The following VWA7 variants were observed in gnomAD, a reference collection of about 807,000 sequenced individuals.
VWA7 encodes von Willebrand factor A domain-containing protein 7.
A neutral mutation model predicts 83.1 loss-of-function variants in VWA7; 66 were observed. The ratio of observed to expected loss-of-function variants is 0.79; its 90% CI spans 0.65 to 0.98. The LOEUF (loss-of-function observed/expected upper bound fraction) is 0.98, where lower values mean the gene tolerates loss of function less well. Among genes scored for constraint, VWA7 ranks in the 50% least tolerant of loss-of-function variants. VWA7 has a pLI of 0.00. For synonymous variants in VWA7, 424 were observed against 488.5 expected (o/e 0.87, Z 1.74); for missense variants, 1,080 against 1,160.2 (o/e 0.93, Z 1.00).
intron 7 of VWA7, 122 bp from the exon 8 acceptor site, chr6:31,770,235 A>G: frequency 1.4e-6 from 1 of 727,306 alleles, no homozygotes; most frequent in Non-Finnish European, 2.3e-6. Context: ...TGAAATAACA[A>G]TACTCCATTA....
chr6:31,770,610 C>CG (rs1812083811), intron 7 of VWA7, among the ~76,000 whole-genome samples: 1 of 93,590 alleles, frequency 1.1e-5, no homozygotes, highest in Non-Finnish European at 2.1e-5. Flanking sequence ...CAGTGCAGGG[C>CG]GGGGCAGGGC....
Position 31,765,715 on chromosome 6 carries a change from G to A in VWA7, c.2555C>T (p.Pro852Leu). 1 of 1,595,972 alleles carries A rather than the reference G, an allele frequency of 6.3e-7. No individual in the cohort carries two copies. The highest frequency in any genetic ancestry group is 8.5e-7 in the Non-Finnish European group (1 of 1,171,844). The change falls in exon 17 of 17, where the codon CCT becomes CTT. Residue 852 changes from proline (P) to leucine (L), a missense_variant. Coordinates refer to ENST00000375688, the MANE Select transcript of VWA7 (RefSeq NM_025258.3). ...SSDPILTTAT[P>L]AFSPFTLVTQ... The stretch of plus-strand genomic sequence containing the variant: ...CACCAATGTGAAGGGGGAAAAGGCA[G>A]GGGTGGCCGTGGTGAGGATCGGGTC...
chr6:31,767,668 G>C lies in VWA7; in HGVS notation c.1590C>G (p.Val530=). The C allele has an allele frequency of 6.2e-7, 1 of 1,613,742 alleles. No homozygotes were observed. The highest frequency in any genetic ancestry group is 8.5e-7 in the Non-Finnish European group (1 of 1,179,658). ...AGCTGCTGATGTCTCCGTGGATCCG[G>C]ACTGTGATCTTCTGGAGCAGCCCAT... ...SVDGLLQKIT[V]RIHGDISSFW... The change falls in exon 11 of 17, where the codon GTC becomes GTG. Residue 530 remains valine, a synonymous_variant. Coordinates refer to ENST00000375688, the MANE Select transcript of VWA7 (RefSeq NM_025258.3).
rs1179680209 is a variant in VWA7, at chr6:31,773,896, A to G, written c.722-459T>C. Among the ~76,000 whole-genome samples, 2 of 151,756 alleles carry G rather than the reference A, an allele frequency of 1.3e-5. No homozygotes were observed. Among genetic ancestry groups the G allele is most frequent in the African/African-American group, 4.8e-5 (2 of 41,310 alleles). On this transcript the variant is annotated intron_variant, in intron 5 of 16. Transcript: ENST00000375688. The surrounding 1 kb of genome is among the most constrained non-coding windows in gnomAD (Gnocchi z 5.3). ...ATGGCTGGGCACGGTGGCTCACACC[A>G]GTAATCCCAGCATTTTGGGAGGCTG...
chr6:31,774,361 C>A (rs938142550), intron 5 of VWA7, among the ~76,000 whole-genome samples, 155 bp downstream of exon 5: 1 of 151,960 alleles, frequency 6.6e-6, no homozygotes, highest in African/African-American at 2.4e-5. Context: ...CCCACCACAG[C>A]CTCCTCAGGG....
chr6:31,771,248 A>G (rs1335162900), intron 7 of VWA7: 1 of 152,182 alleles, frequency 6.6e-6, no homozygotes, highest in Non-Finnish European at 1.5e-5. Context: ...ATGCAGGCAA[A>G]TAAGACTCAA....
rs780550568 is a variant in VWA7, at chr6:31,769,828, A to G, written c.1201-37T>C. The G allele has an allele frequency of 3.8e-5, 61 of 1,589,380 alleles. No homozygotes were observed. Among genetic ancestry groups the G allele is most frequent in the Non-Finnish European group, 5.3e-5 (61 of 1,158,782 alleles). On this transcript the variant is annotated intron_variant, in intron 8 of 16. Coordinates refer to ENST00000375688, the MANE Select transcript of VWA7 (RefSeq NM_025258.3). This position sits in a 1 kb window ranked among gnomAD's most constrained non-coding sequence, Gnocchi z 4.5. ...GGCAACGACCAGTGTTAACAATGGC[A>G]GTAGGAGGGGAATGGGTAGAGCCAC...
rs1344403171 is a variant in VWA7, at chr6:31,773,381, C to T, written c.778G>A (p.Gly260Ser). Reference protein sequence around the residue: ...DRSSSQPPRGGINKDSTSPGF... With the variant: ...DRSSSQPPRGSINKDSTSPGF... Reference sequence around the variant, plus strand: ...GGGGATGTGCTGTCCTTGTTGATGCCTCCCCTCGGTGGCTGGGAGCTGCTC... The same window carrying T: ...GGGGATGTGCTGTCCTTGTTGATGCTTCCCCTCGGTGGCTGGGAGCTGCTC... The change falls in exon 6 of 17, where the codon GGC becomes AGC. Residue 260 changes from glycine to serine, a missense_variant. Gly to Ser is a moderately conservative substitution (Grantham distance 56). Transcript: ENST00000375688. The surrounding 1 kb of genome is among the most constrained non-coding windows in gnomAD (Gnocchi z 5.3). 14 of 1,606,744 alleles carry T rather than the reference C, an allele frequency of 8.7e-6. No individual in the cohort carries two copies. Among genetic ancestry groups the T allele is most frequent in the African/African-American group, 1.3e-5 (1 of 74,846 alleles).
In VWA7 at chr6:31,776,354, C is replaced by A. The variant is rs1054461847; in HGVS notation, c.235-112G>T. The A allele has an allele frequency of 2.5e-5, 37 of 1,453,718 alleles. No individual in the cohort carries two copies. Among genetic ancestry groups the A allele is most frequent in the Non-Finnish European group, 3.4e-5 (37 of 1,082,272 alleles). 90.1% of individuals were successfully genotyped at this position (1,453,718 alleles called of 1,614,324 possible). Reference sequence around the variant, plus strand: ...CTGGGTATGAGGGTCCTGAGCCCCACAAAGGAGGGACAGTCCCGGACCTTT... The same window carrying A: ...CTGGGTATGAGGGTCCTGAGCCCCAAAAAGGAGGGACAGTCCCGGACCTTT... On this transcript the variant is annotated intron_variant, in intron 2 of 16. Transcript: ENST00000375688. This position sits in a 1 kb window ranked among gnomAD's most constrained non-coding sequence, Gnocchi z 6.2.
In VWA7 at chr6:31,776,710, G is replaced by A. The variant is rs753950255; in HGVS notation, c.70C>T (p.Pro24Ser). ...TTGGGGAAGAAGGCAGATGTGGGGGGCAGCAACAGCTGCAGCAGAAGCAAC... is the reference window on the plus strand; with the variant it reads ...TTGGGGAAGAAGGCAGATGTGGGGGACAGCAACAGCTGCAGCAGAAGCAAC... ...SALLLLQLLL[P>S]PTSAFFPNIW... Residue 24 changes from proline to serine, a missense_variant, in exon 2 of 17, where the codon CCC becomes TCC. Transcript: ENST00000375688. This position sits in a 1 kb window ranked among gnomAD's most constrained non-coding sequence, Gnocchi z 6.2. 5 of 1,499,706 alleles carry A rather than the reference G, an allele frequency of 3.3e-6. No individual in the cohort carries two copies. Among genetic ancestry groups the A allele is most frequent in the African/African-American group, 2.8e-5 (2 of 71,158 alleles). 92.9% of individuals were successfully genotyped at this position (1,499,706 alleles called of 1,614,324 possible).
Position 31,767,611 on chromosome 6 carries a change from T to C in VWA7, c.1636+11A>G. 1 of 1,608,200 alleles carries C rather than the reference T, an allele frequency of 6.2e-7. No homozygotes were observed. Among genetic ancestry groups the C allele is most frequent in the South Asian group, 1.1e-5 (1 of 90,972 alleles). Reference sequence around the variant, plus strand: ...CCCGGTCCCCTCTCTTCCCTCTACCTTCAGAGGTACCTGCAGGGTTCTTGA... The same window carrying C: ...CCCGGTCCCCTCTCTTCCCTCTACCCTCAGAGGTACCTGCAGGGTTCTTGA... On this transcript the variant is annotated intron_variant, in intron 11 of 16. Coordinates refer to ENST00000375688, the MANE Select transcript of VWA7 (RefSeq NM_025258.3).
intron 7 of VWA7, among the ~76,000 whole-genome samples, chr6:31,770,909 G>C (rs1439346289): frequency 6.6e-6 from 1 of 151,460 alleles, no homozygotes; most frequent in Non-Finnish European, 1.5e-5. Context: ...TACTCAGGAG[G>C]CTGTGGCAGG....
Position 31,773,423 on chromosome 6 carries a change from C to T in VWA7, c.736G>A (p.Gly246Arg), listed in dbSNP as rs200775618. ...PPKPPGKCSH[G>R]GHFDRSSSQP... ...GAGCTGCTCCGGTCAAAATGGCCCC[C>T]GTGGCTACATTTCCCTGGGTTGGGG... Residue 246 changes from glycine to arginine, a missense_variant, in exon 6 of 17, where the codon GGG becomes AGG. Gly to Arg is a moderately radical substitution (Grantham distance 125). Transcript: ENST00000375688. The surrounding 1 kb of genome is among the most constrained non-coding windows in gnomAD (Gnocchi z 5.3). 1.1e-5 allele frequency: 18 copies of T among 1,593,836 alleles called. No homozygotes were observed. Among genetic ancestry groups the T allele is most frequent in the African/African-American group, 2.7e-5 (2 of 74,516 alleles).
Position 31,766,822 on chromosome 6 carries a change from G to A in VWA7, c.1883-58C>T. The A allele has an allele frequency of 6.5e-7, 1 of 1,534,648 alleles. No homozygotes were observed. The highest frequency in any genetic ancestry group is 8.8e-7 in the Non-Finnish European group (1 of 1,136,260). ...GAGATTCGGAGACACAGGGAGAAAA[G>A]AATTAATGGCCTTCAAAATAGGGGT... On this transcript the variant is annotated intron_variant, in intron 13 of 16. Transcript: ENST00000375688. The surrounding 1 kb of genome is among the most constrained non-coding windows in gnomAD (Gnocchi z 4.9).
At position 31,766,022 on chromosome 6, in the gene VWA7, C is replaced by A. The variant is rs748304658; in HGVS notation, c.2360G>T (p.Arg787Leu). The A allele has an allele frequency of 6.2e-7, 1 of 1,612,828 alleles. No individual in the cohort carries two copies. Among genetic ancestry groups the A allele is most frequent in the Admixed American group, 1.7e-5 (1 of 60,032 alleles). ...HLELNESAWG[R>L]LWLEVPDSAA... ...TGAATCTGGGACCTCCAGCCACAGGCGGCCCCAGGCCGACTCATTCAGTTC... is the reference window on the plus strand; with the variant it reads ...TGAATCTGGGACCTCCAGCCACAGGAGGCCCCAGGCCGACTCATTCAGTTC... The change falls in exon 16 of 17, where the codon CGC (arginine) becomes CTC (leucine). Residue 787 changes from arginine to leucine, a missense_variant. Transcript: ENST00000375688. The surrounding 1 kb of genome is among the most constrained non-coding windows in gnomAD (Gnocchi z 4.9).
At position 31,770,079 on chromosome 6, in the gene VWA7, G is replaced by A; in HGVS notation, c.1122C>T (p.Asp374=). The A allele has an allele frequency of 6.2e-7, 1 of 1,612,994 alleles. No individual in the cohort carries two copies. Among genetic ancestry groups the A allele is most frequent in the East Asian group, 2.2e-5 (1 of 44,872 alleles). ...FGPVFTTSDP[D]SFWQQLNEIH... Reference sequence around the variant, plus strand: ...TCTCATTAAGCTGTTGCCAGAAGCTGTCAGGGTCACTGGTTGTAAAGACAG... The same window carrying A: ...TCTCATTAAGCTGTTGCCAGAAGCTATCAGGGTCACTGGTTGTAAAGACAG... The change falls in exon 8 of 17, where the codon GAC becomes GAT. Residue 374 remains aspartate, a synonymous_variant. Transcript: ENST00000375688.
rs567241664 is a variant in VWA7 at position 31,777,318 on chromosome 6, C to T, written c.-225G>A. On this transcript the variant is annotated 5_prime_UTR_variant, in exon 1 of 17. Coordinates refer to ENST00000375688, the MANE Select transcript of VWA7 (RefSeq NM_025258.3). This position sits in a 1 kb window ranked among gnomAD's most constrained non-coding sequence, Gnocchi z 5.8. ...GGGCGGGCCTCCCTTGGCTGCAGTG[C>T]GGAGGTGAGTGAGAGCTGGGGAGGA... 6 of 556,844 alleles carry T rather than the reference C, an allele frequency of 1.1e-5. No homozygotes were observed. Among genetic ancestry groups the T allele is most frequent in the Admixed American group, 3.2e-5 (1 of 31,566 alleles). 34.5% of individuals were successfully genotyped at this position (556,844 alleles called of 1,614,324 possible).
rs9469052 is a variant in VWA7, at chr6:31,776,067, C to T, written c.410G>A (p.Arg137His). The stretch of plus-strand genomic sequence containing the variant: ...CCGCAGAGCCCCTACCAGGCGCGCG[C>T]GTCCCTGACCCAGTCGCTCAGCATC... ...HFDAERLGQG[R>H]ARLVGALRET... Residue 137 changes from arginine (R) to histidine (H), a missense_variant, in exon 3 of 17, where the codon CGC becomes CAC. Transcript: ENST00000375688. The surrounding 1 kb of genome is among the most constrained non-coding windows in gnomAD (Gnocchi z 6.2). 1.2e-3 allele frequency: 1,990 copies of T among 1,613,828 alleles called. 14 individuals are homozygous for T. The African/African-American group carries it at 0.019, about 16-fold the overall frequency.
At position 31,775,527 on chromosome 6, in the gene VWA7, A is replaced by C; in HGVS notation, c.514-98T>G. 1 of 1,092,814 alleles carries C rather than the reference A, an allele frequency of 9.2e-7. No individual in the cohort carries two copies. Among genetic ancestry groups the C allele is most frequent in the Non-Finnish European group, 1.3e-6 (1 of 761,988 alleles). The allele number at this position is 1,092,814 out of a possible 1,614,324, so 67.7% of individuals were successfully genotyped here. ...CCACTCCTTTGAGTTCCCCATCCCG[A>C]AAGTCCCCTCCCACCCCTACTGCTC... On this transcript the variant is annotated intron_variant, in intron 3 of 16. Transcript: ENST00000375688. This position sits in a 1 kb window ranked among gnomAD's most constrained non-coding sequence, Gnocchi z 5.9.
Sources: allele counts gnomAD v4.1 joint callset (sites outside exome capture counted in the v4.1 genomes callset), GRCh38; gene constraint gnomAD v4.1.1; non-coding constraint Gnocchi (gnomAD v3.1); transcripts MANE v1.5; gene names NCBI Gene and HGNC (gene_info 2026-07-23, HGNC 2026-07-21).